The following EHHADH variants were observed in gnomAD, a reference collection of about 807,000 sequenced individuals.
EHHADH encodes the protein enoyl-CoA hydratase and 3-hydroxyacyl CoA dehydrogenase.
A neutral mutation model predicts 64.4 loss-of-function variants in EHHADH; 48 were observed. The observed-to-expected ratio is 0.75, with a 90% CI of 0.59 to 0.95. EHHADH has a LOEUF of 0.95. EHHADH is among the 40% of genes least tolerant of loss of function. The pLI is 0.00. For synonymous variants in EHHADH, 308 were observed against 326.7 expected (o/e 0.94, Z 0.62); for missense variants, 854 against 876.6 (o/e 0.97, Z 0.33).
chr3:185,230,323 T>TA (rs1319425243), intron 3 of EHHADH, among the ~76,000 whole-genome samples: 1 of 152,186 alleles, frequency 6.6e-6, no homozygotes, highest in African/African-American at 2.4e-5. Context: ...CCTGGGTATA[T>TA]ACCCAAGAGA....
At chr3:185,230,038 A>G (rs62288666) in intron 3 of EHHADH, among the ~76,000 whole-genome samples, 19,867 of 152,284 alleles carry the variant, frequency 0.13, 1,931 homozygotes, top group African/African-American at 0.27. Flanking sequence ...CCTCCAAAGA[A>G]GAGATACAAA....
intron 5 of EHHADH, among the ~76,000 whole-genome samples, chr3:185,208,278 C>T (rs1560010319): frequency 6.6e-6 from 1 of 152,216 alleles, no homozygotes; most frequent in Non-Finnish European, 1.5e-5. Flanking sequence ...CTACCAACAA[C>T]CGCTTGAGTG....
chr3:185,218,083 T>A, intron 5 of EHHADH, 53 bp downstream of exon 5: 2 of 1,335,158 alleles, frequency 1.5e-6, no homozygotes, highest in Non-Finnish European at 2.1e-6. Flanking sequence ...CTTATTTAAA[T>A]GAACATGTAT....
At chr3:185,206,545 CA>C (rs1178401599) in intron 5 of EHHADH, among the ~76,000 whole-genome samples, 4 of 152,066 alleles carry the variant, frequency 2.6e-5, no homozygotes, top group Non-Finnish European at 5.9e-5. Flanking sequence ...AATGAAATGA[CA>C]GCCAGGTGCA....
At chr3:185,238,520 T>G (rs532688830) in intron 2 of EHHADH, among the ~76,000 whole-genome samples, 1 of 152,200 alleles carries the variant, frequency 6.6e-6, no homozygotes, top group Non-Finnish European at 1.5e-5. Flanking sequence ...GTTGAGAATT[T>G]TTTCATATGT....
At position 185,193,239 on chromosome 3, in the gene EHHADH, T is replaced by C; in HGVS notation, c.1159A>G (p.Ser387Gly). Residue 387 changes from serine to glycine, a missense_variant, in exon 7 of 7, where the codon AGC (serine) becomes GGC (glycine). Physicochemically the swap from Ser to Gly is moderately conservative, Grantham distance 56. Transcript: ENST00000231887. ...TCAGCAAAGACCTGCTTCTTCAGGC[T>C]CATTTCCTCAAATACTGCTTCAATG... ...LVIEAVFEEM[S>G]LKKQVFAELS... The C allele has an allele frequency of 1.2e-6, 2 of 1,603,374 alleles. No individual in the cohort carries two copies. The highest frequency in any genetic ancestry group is 3.4e-5 in the Admixed American group (2 of 58,148).
In EHHADH at chr3:185,192,744, T is replaced by A. The variant is rs761352142; in HGVS notation, c.1654A>T (p.Lys552Ter). 11 of 1,613,978 alleles carry A rather than the reference T, an allele frequency of 6.8e-6. No individual in the cohort carries two copies. The Admixed American group carries it at 1.5e-4, about 22-fold the overall frequency. ...GGGCAGTACCTCCTATTACCCCTTT[T>A]TCGGGCAGGAGTTCCTGGAAGCAAT... ...PTLLPGTPAR[K>*]RGNRRYCPIP... is the part of the protein sequence containing the mutation. Residue 552 changes from lysine (K) to a stop codon, truncating the protein, a stop_gained, in exon 7 of 7, where the codon AAA (lysine) becomes TAA (stop). Transcript: ENST00000231887. LOFTEE classifies it high-confidence loss of function.
At chr3:185,232,752 A>G (rs984316954) in intron 3 of EHHADH, among the ~76,000 whole-genome samples, 11 of 152,216 alleles carry the variant, frequency 7.2e-5, no homozygotes, top group Admixed American at 2.6e-4. Flanking sequence ...TTGGCCTATA[A>G]TGATATTTTT....
intron 6 of EHHADH, among the ~76,000 whole-genome samples, chr3:185,198,193 T>C (rs1718122349): frequency 1.3e-5 from 2 of 151,916 alleles, no homozygotes; most frequent in South Asian, 2.1e-4. Context: ...CTGTTGTCCA[T>C]AGAAGCTGCA....
intron 1 of EHHADH, among the ~76,000 whole-genome samples, chr3:185,249,084 A>G (rs1719673618): frequency 6.6e-6 from 1 of 152,202 alleles, no homozygotes; most frequent in Non-Finnish European, 1.5e-5. Context: ...CATCGTCTTC[A>G]TAGTATTAAA....
In EHHADH at chr3:185,229,504, G is replaced by C; in HGVS notation, c.391C>G (p.Pro131Ala). ...GLPEVTLGLL[P>A]GARGTQLLPR... is the part of the protein sequence containing the mutation. ...AGAAGCTGGGTTCCTCTTGCACCAG[G>C]GAGAAGTCCCAGTGTAACTTCTGGT... is the stretch of plus-strand genomic sequence containing the variant. Residue 131 changes from proline to alanine, a missense_variant, in exon 4 of 7, where the codon CCT (proline) becomes GCT (alanine). Pro to Ala is a conservative substitution (Grantham distance 27). Transcript: ENST00000231887. 1 of 1,575,634 alleles carries C rather than the reference G, an allele frequency of 6.3e-7. No homozygotes were observed. The highest frequency in any genetic ancestry group is 8.6e-7 in the Non-Finnish European group (1 of 1,158,478).
At chr3:185,199,198 A>G (rs914121923) in intron 6 of EHHADH, among the ~76,000 whole-genome samples, 2 of 152,240 alleles carry the variant, frequency 1.3e-5, no homozygotes, top group Admixed American at 1.3e-4. Flanking sequence ...GGAAGGGAAA[A>G]ACATAGGGAG....
chr3:185,224,864 T>C (rs1018907604), intron 4 of EHHADH, among the ~76,000 whole-genome samples: 1 of 152,192 alleles, frequency 6.6e-6, no homozygotes, highest in Admixed American at 6.5e-5. Context: ...TAAGGACTCT[T>C]GTGATAAAAT....
chr3:185,244,776 C>T (rs957482432), intron 2 of EHHADH, among the ~76,000 whole-genome samples: 16 of 152,116 alleles, frequency 1.1e-4, no homozygotes, highest in Admixed American at 1.3e-4. Flanking sequence ...AAGGATTCTT[C>T]CCTAAAGAAA....
Position 185,193,436 on chromosome 3 carries a change from A to C in EHHADH, c.962T>G (p.Ile321Ser). The C allele has an allele frequency of 6.2e-7, 1 of 1,614,206 alleles. No individual in the cohort carries two copies. Among genetic ancestry groups the C allele is most frequent in the Non-Finnish European group, 8.5e-7 (1 of 1,180,032 alleles). ...GTCCGAGTCTACAGCAATCACAGGAATCCTGGCCCTTGCAAAAGAAATGAC... is the reference window on the plus strand; with the variant it reads ...GTCCGAGTCTACAGCAATCACAGGACTCCTGGCCCTTGCAAAAGAAATGAC... ...GIVISFARAR[I>S]PVIAVDSDKN... is the part of the protein sequence containing the mutation. The change falls in exon 7 of 7, where the codon ATT becomes AGT. Residue 321 changes from isoleucine to serine, a missense_variant. By Grantham distance (142) the Ile-to-Ser change is moderately radical. Coordinates refer to ENST00000231887, the MANE Select transcript of EHHADH (RefSeq NM_001966.4).
At chr3:185,228,203 C>T (rs1412538773) in intron 4 of EHHADH, among the ~76,000 whole-genome samples, 1 of 123,556 alleles carries the variant, frequency 8.1e-6, no homozygotes, top group Non-Finnish European at 1.6e-5. Context: ...CCACTGCATT[C>T]CAGCCTGGCG....
chr3:185,228,257 A>AAAATATATATATAT (rs1367786172), intron 4 of EHHADH, among the ~76,000 whole-genome samples: 7 of 22,000 alleles, frequency 3.2e-4, no homozygotes, highest in African/African-American at 7.1e-4. Flanking sequence ...AAAAAAAAAA[A>AAAATATATATATAT]ATATATATAT....
chr3:185,202,338 C>CAAAA (rs35411232), intron 6 of EHHADH, among the ~76,000 whole-genome samples: 2 of 126,276 alleles, frequency 1.6e-5, no homozygotes, highest in African/African-American at 2.9e-5. Context: ...AACTCCATAT[C>CAAAA]AAAAAAAAAA....
intron 4 of EHHADH, among the ~76,000 whole-genome samples, chr3:185,226,580 T>C (rs1214379712): frequency 2.7e-5 from 4 of 147,424 alleles, no homozygotes; most frequent in African/African-American, 1.0e-4. Flanking sequence ...ACCCAGGAGA[T>C]GGAAGTTACA....
Sources: gnomAD v4.1 joint callset for allele counts (sites outside exome capture counted in the v4.1 genomes callset) on GRCh38, gnomAD v4.1.1 for gene constraint, MANE v1.5 for transcripts, NCBI Gene and HGNC (gene_info 2026-07-23, HGNC 2026-07-21) for gene names.